USP42: variants seen among roughly 807,000 people sequenced by gnomAD.
The protein encoded by USP42 is ubiquitin carboxyl-terminal hydrolase 42.
USP42 carries 23 observed loss-of-function variants against 113.0 expected under a neutral mutation model. That is an observed-to-expected ratio of 0.20 (90% CI 0.15 to 0.29). The LOEUF (loss-of-function observed/expected upper bound fraction) is 0.29. Among genes scored for constraint, USP42 ranks in the 10% least tolerant of loss-of-function variants. USP42 has a pLI of 1.00. For synonymous variants in USP42, 933 were observed against 699.0 expected, an observed-to-expected ratio of 1.33 and a Z score of -5.28; for missense variants, 2,174 against 1,779.8, an observed-to-expected ratio of 1.22 and a Z score of -3.99.
intron 4 of USP42, among the ~76,000 whole-genome samples, chr7:6,138,608 C>T (rs1466556026): frequency 6.6e-6 from 1 of 152,158 alleles, no homozygotes; most frequent in Non-Finnish European, 1.5e-5. Context: ...ACCCCTGGGC[C>T]GTAGACTGGT....
the USP42 span, chr7:6,081,795 TAA>T: frequency 6.6e-6 from 1 of 152,222 alleles, no homozygotes; most frequent in African/African-American, 2.4e-5. Flanking sequence ...CGAGGAAACC[TAA>T]AGTCTGTGTT....
chr7:6,120,113 T>C (rs1208558081), intron 3 of USP42, among the ~76,000 whole-genome samples: 3 of 152,164 alleles, frequency 2.0e-5, no homozygotes, highest in East Asian at 3.9e-4. Context: ...TACAGGTGCC[T>C]GCCACCACGC....
chr7:6,086,196 TG>T, the USP42 span, among the ~76,000 whole-genome samples: 9 of 146,730 alleles, frequency 6.1e-5, no homozygotes, highest in Admixed American at 2.0e-4. Flanking sequence ...CCACCTCACC[TG>T]GCTAATTTTT....
At chr7:6,135,754 A>G (rs1781106188) in intron 3 of USP42, 87 bp from the exon 4 acceptor site, 2 of 554,236 alleles carry the variant, frequency 3.6e-6, no homozygotes, top group African/African-American at 2.0e-5. Flanking sequence ...ATTTCATTTC[A>G]GGTGTGTGCC....
At chr7:6,108,241 T>G (rs1389654842) in intron 1 of USP42, among the ~76,000 whole-genome samples, 3 of 152,040 alleles carry the variant, frequency 2.0e-5, no homozygotes, top group Non-Finnish European at 4.4e-5. Context: ...ATTGATGCTT[T>G]TAAAAAACAA....
Position 6,139,061 on chromosome 7 carries a change from A to G in USP42, c.554-31A>G, listed in dbSNP as rs1781311361. ...CAACTTAGGCTTATTACGTGTAATG[A>G]TAAAGCCTTGTCTTTACCGAAATTT... On this transcript the variant is annotated intron_variant, in intron 4 of 17. Coordinates refer to ENST00000306177, the MANE Select transcript of USP42 (RefSeq NM_032172.3). This position sits in a 1 kb window ranked among gnomAD's most constrained non-coding sequence, Gnocchi z 4.5. 2.0e-6 allele frequency: 3 copies of G among 1,477,682 alleles called. No homozygotes were observed. Among genetic ancestry groups the G allele is most frequent in the Non-Finnish European group, 2.8e-6 (3 of 1,075,006 alleles). The allele number at this position is 1,477,682 out of a possible 1,614,324, so 91.5% of individuals were successfully genotyped here. A position where few individuals can be genotyped will look rare whatever the true frequency, so the allele number is the denominator to read the frequency against.
intron 2 of USP42, 82 bp from the exon 3 acceptor site, chr7:6,115,241 T>C: frequency 7.3e-7 from 1 of 1,367,080 alleles, no homozygotes; most frequent in Admixed American, 1.7e-5. Context: ...TTGTAAAGAT[T>C]GAGGTTTGAC....
the USP42 span, among the ~76,000 whole-genome samples, chr7:6,093,644 T>C: frequency 3.5e-5 from 5 of 142,874 alleles, no homozygotes; most frequent in East Asian, 2.3e-4. Context: ...TCTCCTTTCC[T>C]TACCTCTTTC....
In USP42 at chr7:6,125,318, G is replaced by T. The variant is rs981228216; in HGVS notation, c.442+9795G>T. On this transcript the variant is annotated intron_variant, in intron 3 of 17. Coordinates refer to ENST00000306177, the MANE Select transcript of USP42 (RefSeq NM_032172.3). The stretch of plus-strand genomic sequence containing the variant: ...AGCCTGGTCAATATGGTGAAACTTT[G>T]TCTCTACTAAAAATACAAAAAATTA... Among the ~76,000 whole-genome samples, 25 of 151,594 alleles carry T rather than the reference G, an allele frequency of 1.6e-4. 1 individual carries two copies. The highest frequency in any genetic ancestry group is 5.9e-5 in the Non-Finnish European group (4 of 67,948).
At chr7:6,138,743 C>T (rs1781292030) in intron 4 of USP42, among the ~76,000 whole-genome samples, 1 of 152,116 alleles carries the variant, frequency 6.6e-6, no homozygotes, top group Non-Finnish European at 1.5e-5. Context: ...CAGCGCCAAC[C>T]CTATTGTGAA....
At chr7:6,119,335 G>A (rs1312532516) in intron 3 of USP42, among the ~76,000 whole-genome samples, 2 of 152,148 alleles carry the variant, frequency 1.3e-5, no homozygotes, top group African/African-American at 4.8e-5. Flanking sequence ...TTCTCTGGGT[G>A]TGGCGGCAAG....
chr7:6,144,045 A>G, intron 8 of USP42, 40 bp from the exon 9 acceptor site: 1 of 1,298,172 alleles, frequency 7.7e-7, no homozygotes, highest in Non-Finnish European at 1.1e-6. Flanking sequence ...TTGTGTGTAT[A>G]TATTCGTCTT....
the USP42 span, chr7:6,093,106 A>T: frequency 1.3e-5 from 2 of 150,018 alleles, no homozygotes; most frequent in African/African-American, 2.5e-5. Context: ...CTCTGAGTAA[A>T]CGGAAGGTAC....
chr7:6,114,988 C>G (rs1299161127), intron 2 of USP42, among the ~76,000 whole-genome samples: 1 of 152,064 alleles, frequency 6.6e-6, no homozygotes, highest in African/African-American at 2.4e-5. Context: ...CTGTGCCCGG[C>G]CCTATATATA....
At chr7:6,113,983 C>G (rs1371272421) in intron 2 of USP42, among the ~76,000 whole-genome samples, 2 of 152,192 alleles carry the variant, frequency 1.3e-5, no homozygotes, top group African/African-American at 4.8e-5. Flanking sequence ...TTAGTCTTGC[C>G]ATTGATGATT....
At chr7:6,082,366 G>A in the USP42 span, among the ~76,000 whole-genome samples, 4 of 151,986 alleles carry the variant, frequency 2.6e-5, no homozygotes, top group Admixed American at 6.6e-5. Flanking sequence ...CTGACCTCGT[G>A]ATCCGCCTGC....
chr7:6,146,084 C>T, intron 10 of USP42, 64 bp from the exon 11 acceptor site: 6 of 1,225,064 alleles, frequency 4.9e-6, no homozygotes, highest in Admixed American at 2.5e-5. Flanking sequence ...AGAAATATTT[C>T]TCTTGACTAT....
intron 2 of USP42, among the ~76,000 whole-genome samples, chr7:6,112,564 C>A (rs1018275377): frequency 6.6e-6 from 1 of 152,136 alleles, no homozygotes; most frequent in African/African-American, 2.4e-5. Flanking sequence ...GACAGTAACA[C>A]TTTAAGTTGG....
chr7:6,151,501 G>T (rs1782048507), intron 14 of USP42, among the ~76,000 whole-genome samples: 1 of 152,116 alleles, frequency 6.6e-6, no homozygotes, highest in Admixed American at 6.5e-5. Flanking sequence ...ACAGTGGTGC[G>T]ATCTCAGCTC....
Sources: allele counts gnomAD v4.1 joint callset (sites outside exome capture counted in the v4.1 genomes callset), GRCh38; gene constraint gnomAD v4.1.1; non-coding constraint Gnocchi (gnomAD v3.1); transcripts MANE v1.5; gene names NCBI Gene and HGNC (gene_info 2026-07-23, HGNC 2026-07-21).